The following RPS3 variants were observed in gnomAD, a reference collection of about 807,000 sequenced individuals.
RPS3 encodes small ribosomal subunit protein uS3.
In RPS3, 2 loss-of-function variants were observed where a neutral mutation model predicts 25.8. The observed-to-expected ratio is 0.08, with a 90% CI of 0.03 to 0.24. The LOEUF (loss-of-function observed/expected upper bound fraction) is 0.24, where lower values mean the gene tolerates loss of function less well. Among genes scored for constraint, RPS3 ranks in the 10% least tolerant of loss-of-function variants. The probability of loss-of-function intolerance (pLI) is 1.00; values close to 1 mark genes in which losing one functional copy is unlikely to be tolerated. For missense variants in RPS3, 107 were observed against 307.1 expected, an observed-to-expected ratio of 0.35 and a Z score of 4.87; for synonymous variants, 114 against 114.2, an observed-to-expected ratio of 1.00 and a Z score of 0.01.
chr11:75,399,721 CG>C, intron 1 of RPS3, 144 bp downstream of exon 1: 1 of 710,924 alleles, frequency 1.4e-6, no homozygotes, highest in East Asian at 2.8e-5. Flanking sequence ...CCGCGGATGG[CG>C]GTGGATTGAG....
Position 75,413,449 on chromosome 11 carries a change from G to C in RPS3, c.*4-8278G>C, listed in dbSNP as rs555795430. Among the ~76,000 whole-genome samples the C allele has an allele frequency of 2.0e-5, 3 of 152,100 alleles. No homozygotes were observed. The South Asian group carries it at 6.2e-4, about 32-fold the overall frequency. On this transcript the variant is annotated intron_variant, in intron 6 of 6. Coordinates refer to the RPS3 transcript ENST00000527446. ...TTTTTTGTATTTTTAGTAGAGACAG[G>C]GTTTCACCGTGTTAGCCAGGATGGT...
chr11:75,409,880 AG>A (rs1948328965), downstream of RPS3, among the ~76,000 whole-genome samples: 1 of 139,804 alleles, frequency 7.2e-6, no homozygotes. Context: ...ACTTCCCAGT[AG>A]GGGCGGCCGG....
At chr11:75,414,349 C>T (rs968267091) in intron 6 of RPS3, among the ~76,000 whole-genome samples, 4 of 152,202 alleles carry the variant, frequency 2.6e-5, no homozygotes, top group East Asian at 1.9e-4. Context: ...CCGTGGCTCA[C>T]GCCTGTAATC....
At chr11:75,410,767 CGCGGTTAGGA>C (rs1469794955), downstream of RPS3, among the ~76,000 whole-genome samples, 3 of 152,190 alleles carry the variant, frequency 2.0e-5, no homozygotes, top group East Asian at 5.8e-4. Context: ...GCGGATCACT[CGCGGTTAGGA>C]GCTGGAGACC....
At chr11:75,416,123 A>G (rs1190123507) in intron 6 of RPS3, among the ~76,000 whole-genome samples, 1 of 152,250 alleles carries the variant, frequency 6.6e-6, no homozygotes, top group Non-Finnish European at 1.5e-5. Flanking sequence ...ACTTAGCAGT[A>G]TGAGCGCAAG....
At chr11:75,408,490 A>AAC (rs1554990312), downstream of RPS3, among the ~76,000 whole-genome samples, 18 of 151,742 alleles carry the variant, frequency 1.2e-4, no homozygotes, top group African/African-American at 2.7e-4. Context: ...TAAAAAAAAA[A>AAC]CCCAGATTTG....
chr11:75,414,377 C>T (rs1016752683), intron 6 of RPS3, among the ~76,000 whole-genome samples: 1 of 152,144 alleles, frequency 6.6e-6, no homozygotes, highest in African/African-American at 2.4e-5. Flanking sequence ...TTTGGGAGGC[C>T]GAGGCAGGCG....
chr11:75,404,825 C>T lies in RPS3; in HGVS notation c.692C>T (p.Pro231Leu). 6.2e-7 allele frequency: 1 copy of T among 1,612,794 alleles called. No homozygotes were observed. The highest frequency in any genetic ancestry group is 8.5e-7 in the Non-Finnish European group (1 of 1,179,336). ...TPISEQKGGK[P>L]EPPAMPQPVP... is the part of the protein sequence containing the mutation. ...ATCTCAGAACAGAAGGGTGGGAAGC[C>T]AGAGCCGCCTGCCATGCCCCAGCCA... The change falls in exon 6 of 7, where the codon CCA becomes CTA. Residue 231 changes from proline to leucine, a missense_variant. Physicochemically the swap from Pro to Leu is moderately conservative, Grantham distance 98. Transcript: ENST00000531188. The surrounding 1 kb of genome is among the most constrained non-coding windows in gnomAD (Gnocchi z 4.6).
At chr11:75,402,204 A>G in intron 3 of RPS3, 148 bp from the exon 4 acceptor site, 1 of 1,179,952 alleles carries the variant, frequency 8.5e-7, no homozygotes, top group Non-Finnish European at 1.2e-6. Flanking sequence ...GTTGGGCCAC[A>G]ATCAAAGCCA....
chr11:75,409,228 C>T (rs1361477591), downstream of RPS3, among the ~76,000 whole-genome samples: 3 of 144,744 alleles, frequency 2.1e-5, no homozygotes, highest in Non-Finnish European at 3.0e-5. Flanking sequence ...GGGTGTTTCT[C>T]GCAGAGGGGG....
intron 6 of RPS3, among the ~76,000 whole-genome samples, chr11:75,417,651 C>T (rs1948410708): frequency 6.6e-6 from 1 of 152,210 alleles, no homozygotes; most frequent in East Asian, 1.9e-4. Flanking sequence ...CCTGTAGTCT[C>T]AGCTACTGGG....
downstream of RPS3, among the ~76,000 whole-genome samples, chr11:75,410,865 A>G (rs1184049738): frequency 6.6e-6 from 1 of 151,892 alleles, no homozygotes; most frequent in Non-Finnish European, 1.5e-5. Flanking sequence ...GCGCGCCTGC[A>G]ATCGCAGGCA....
chr11:75,409,378 GT>G (rs1451754138), downstream of RPS3, among the ~76,000 whole-genome samples: 2 of 136,952 alleles, frequency 1.5e-5, no homozygotes, highest in African/African-American at 2.7e-5. Flanking sequence ...TTAGGGAGTG[GT>G]GATGCCTCTT....
rs1948283351 is a variant in RPS3, at chr11:75,405,994, T to G, written c.*384T>G. The G allele has an allele frequency of 5.8e-6, 1 of 172,940 alleles. No individual in the cohort carries two copies. The highest frequency in any genetic ancestry group is 2.4e-5 in the African/African-American group (1 of 41,966). 10.7% of individuals were successfully genotyped at this position (172,940 alleles called of 1,614,324 possible). A position where few individuals can be genotyped will look rare whatever the true frequency, so the allele number is the denominator to read the frequency against. On this transcript the variant is annotated 3_prime_UTR_variant, in exon 7 of 7. Transcript: ENST00000531188. ...AGAAAGTGAATATAAATGGCCATTA[T>G]ATTTTGTGTCATGCTGTGCTCTAAG... is the stretch of plus-strand genomic sequence containing the variant.
intron 4 of RPS3, 165 bp from the exon 5 acceptor site, chr11:75,403,855 G>A (rs1948245591): frequency 3.2e-6 from 2 of 622,778 alleles, no homozygotes; most frequent in East Asian, 5.6e-5. Flanking sequence ...ATTACCCTAA[G>A]GTTCGGAATG....
At chr11:75,410,926 G>C (rs1451706664), downstream of RPS3, among the ~76,000 whole-genome samples, 1 of 152,208 alleles carries the variant, frequency 6.6e-6, no homozygotes, top group African/African-American at 2.4e-5. Context: ...ACCCAGGCTG[G>C]AGTGCAGTGG....
chr11:75,410,654 T>C (rs1243633334), downstream of RPS3, among the ~76,000 whole-genome samples: 1 of 152,188 alleles, frequency 6.6e-6, no homozygotes, highest in African/African-American at 2.4e-5. Context: ...GAGGTGGTTG[T>C]AGCGAGCCGA....
downstream of RPS3, among the ~76,000 whole-genome samples, chr11:75,410,370 C>T (rs1440133872): frequency 6.6e-6 from 1 of 150,844 alleles, no homozygotes; most frequent in Non-Finnish European, 1.5e-5. Context: ...GGCAGAGGTG[C>T]TCCCCACATC....
chr11:75,401,405 A>C (rs1450642527), intron 2 of RPS3, among the ~76,000 whole-genome samples: 2 of 152,176 alleles, frequency 1.3e-5, no homozygotes, highest in Non-Finnish European at 2.9e-5. Context: ...AGGCTGAAGC[A>C]GGCGATGGCT....
Sources: allele counts gnomAD v4.1 joint callset (sites outside exome capture counted in the v4.1 genomes callset), GRCh38; gene constraint gnomAD v4.1.1; non-coding constraint Gnocchi (gnomAD v3.1); transcripts MANE v1.5; gene names NCBI Gene and HGNC (gene_info 2026-07-23, HGNC 2026-07-21).